LINGO2: variants seen among roughly 807,000 people sequenced by gnomAD.
LINGO2 encodes the protein leucine rich repeat and Ig domain containing 2.
Under a neutral mutation model 30.6 loss-of-function variants are expected in LINGO2, and 14 were observed. The observed-to-expected ratio is 0.46, with a 90% CI of 0.30 to 0.72. The LOEUF is 0.72. LINGO2 is among the 30% of genes least tolerant of loss of function. The pLI, the probability that LINGO2 is intolerant of heterozygous loss-of-function variation, is 0.07. For missense variants in LINGO2, 729 were observed against 751.7 expected, an observed-to-expected ratio of 0.97 and a Z score of 0.35; for synonymous variants, 317 against 288.5, an observed-to-expected ratio of 1.10 and a Z score of -1.00.
the LINGO2 span, among the ~76,000 whole-genome samples, chr9:28,739,262 G>A: frequency 6.6e-6 from 1 of 151,712 alleles, no homozygotes. Context: ...CATTATTATT[G>A]ACATTTTCCT....
intron 1 of LINGO2, among the ~76,000 whole-genome samples, chr9:28,623,405 C>A (rs1450488919): frequency 6.6e-6 from 1 of 152,068 alleles, no homozygotes. Context: ...CATTCTTCTG[C>A]ATATGGATAT....
chr9:28,634,485 C>CTTTTTTTTTTTTTTTTTT (rs755583837), intron 1 of LINGO2, among the ~76,000 whole-genome samples: 1 of 124,672 alleles, frequency 8.0e-6, no homozygotes, highest in Non-Finnish European at 1.7e-5. Flanking sequence ...TTCTTTTTTT[C>CTTTTTTTTTTTTTTTTTT]TTTTTTTTTT....
the LINGO2 span, among the ~76,000 whole-genome samples, chr9:28,942,540 C>T: frequency 0.16 from 24,399 of 152,142 alleles, 1,993 homozygotes; most frequent in South Asian, 0.2. Context: ...TGTGACATTT[C>T]AGAAAATCTG....
the LINGO2 span, among the ~76,000 whole-genome samples, chr9:28,849,189 T>C: frequency 6.6e-6 from 1 of 152,140 alleles, no homozygotes; most frequent in South Asian, 2.1e-4. Context: ...GTTTAAAACT[T>C]ACACACAACA....
At chr9:28,405,511 G>A (rs1361232578) in intron 2 of LINGO2, among the ~76,000 whole-genome samples, 2 of 152,064 alleles carry the variant, frequency 1.3e-5, no homozygotes, top group African/African-American at 2.4e-5. Context: ...CATGTAGGTA[G>A]CTTTTCCTCC....
At chr9:28,194,761 T>C (rs1460692428) in intron 4 of LINGO2, among the ~76,000 whole-genome samples, 1 of 151,910 alleles carries the variant, frequency 6.6e-6, no homozygotes, top group Non-Finnish European at 1.5e-5. Context: ...GCTTAATTAA[T>C]TAAATTAATT....
chr9:28,105,088 A>G (rs1826544087), intron 4 of LINGO2, among the ~76,000 whole-genome samples: 1 of 152,148 alleles, frequency 6.6e-6, no homozygotes, highest in African/African-American at 2.4e-5. Flanking sequence ...AGATTGGCAC[A>G]CTTTATTCTC....
At chr9:28,122,452 A>C (rs1827123121) in intron 4 of LINGO2, among the ~76,000 whole-genome samples, 1 of 152,240 alleles carries the variant, frequency 6.6e-6, no homozygotes, top group African/African-American at 2.4e-5. Flanking sequence ...CAGGATACCT[A>C]TCAGCATTAT....
the LINGO2 span, among the ~76,000 whole-genome samples, chr9:29,065,667 A>G: frequency 0.022 from 3,316 of 152,012 alleles, 117 homozygotes; most frequent in African/African-American, 0.075. Flanking sequence ...GCTTGCCTTT[A>G]AACCTATTCA....
At chr9:28,363,112 G>T (rs1412870895) in intron 3 of LINGO2, among the ~76,000 whole-genome samples, 1 of 152,120 alleles carries the variant, frequency 6.6e-6, no homozygotes, top group Non-Finnish European at 1.5e-5. Context: ...CCCTCAGGAT[G>T]CATCCTCCAT....
the LINGO2 span, among the ~76,000 whole-genome samples, chr9:28,760,949 C>CACACACATACACAG: frequency 3.3e-5 from 5 of 150,786 alleles, no homozygotes; most frequent in East Asian, 9.8e-4. Flanking sequence ...TATATATACA[C>CACACACATACACAG]ACACACATAC....
At chr9:28,639,169 A>C in intron 1 of LINGO2, among the ~76,000 whole-genome samples, 1 of 152,062 alleles carries the variant, frequency 6.6e-6, no homozygotes, top group Non-Finnish European at 1.5e-5. Flanking sequence ...GTTTCATTGC[A>C]CTGTGGTCTG....
intron 1 of LINGO2, among the ~76,000 whole-genome samples, chr9:28,527,748 T>A (rs1010741724): frequency 1.3e-5 from 2 of 152,200 alleles, no homozygotes; most frequent in African/African-American, 2.4e-5. Context: ...TATTTGTCAC[T>A]CTTTCTCTTA....
chr9:27,995,602 C>A lies in LINGO2; in HGVS notation c.-36+16753G>T, dbSNP rs146909774. Among the ~76,000 whole-genome samples, 879 of 152,188 alleles carry A rather than the reference C, an allele frequency of 5.8e-3. 8 individuals carry two copies. Among genetic ancestry groups the A allele is most frequent in the African/African-American group, 0.02 (838 of 41,522 alleles). ...ACATTAGTAGAATCAAGGACAAAAG[C>A]CATATGATTATTTGATGATCTCAAT... On this transcript the variant is annotated intron_variant, in intron 5 of 5. Coordinates refer to ENST00000379992, the Ensembl canonical transcript of LINGO2.
intron 4 of LINGO2, among the ~76,000 whole-genome samples, chr9:28,018,564 C>T (rs1211514059): frequency 6.6e-6 from 1 of 152,058 alleles, no homozygotes; most frequent in African/African-American, 2.4e-5. Context: ...AGAAGACATA[C>T]ATGCAGCTAA....
At chr9:28,502,795 T>C (rs1226790322) in intron 1 of LINGO2, among the ~76,000 whole-genome samples, 3 of 152,106 alleles carry the variant, frequency 2.0e-5, no homozygotes, top group Admixed American at 2.0e-4. Context: ...ACATTCCTTT[T>C]TACACAAGTA....
chr9:28,167,444 G>T lies in LINGO2; in HGVS notation c.-87+127764C>A, dbSNP rs1391735656. Among the ~76,000 whole-genome samples, 3 of 152,148 alleles carry T rather than the reference G, an allele frequency of 2.0e-5. No homozygotes were observed. The South Asian group carries it at 6.2e-4, about 32-fold the overall frequency. ...TGCCCCAGCTATAGTGCAGTGGCAC[G>T]ATCACAGATCACTGCAACCTCCACC... On this transcript the variant is annotated intron_variant, in intron 4 of 5. Coordinates refer to ENST00000379992, the Ensembl canonical transcript of LINGO2.
At chr9:28,840,186 G>A in the LINGO2 span, among the ~76,000 whole-genome samples, 3 of 151,820 alleles carry the variant, frequency 2.0e-5, no homozygotes, top group African/African-American at 4.9e-5. Flanking sequence ...GTGACTCCGC[G>A]GCTGTGGCTG....
At chr9:29,023,604 AT>A in the LINGO2 span, among the ~76,000 whole-genome samples, 1 of 152,108 alleles carries the variant, frequency 6.6e-6, no homozygotes, top group Non-Finnish European at 1.5e-5. Context: ...TAAATATAAA[AT>A]TGTTTTAGGT....
Sources: gnomAD v4.1 joint callset for allele counts (sites outside exome capture counted in the v4.1 genomes callset) on GRCh38, gnomAD v4.1.1 for gene constraint, MANE v1.5 for transcripts, NCBI Gene and HGNC (gene_info 2026-07-23, HGNC 2026-07-21) for gene names.